GABRG3: variants seen among roughly 807,000 people sequenced by gnomAD.
GABRG3 encodes the protein gamma-aminobutyric acid receptor subunit gamma-3.
GABRG3 carries 25 observed loss-of-function variants against 48.8 expected under a neutral mutation model. The observed-to-expected ratio is 0.51, with a 90% confidence interval of 0.37 to 0.72. The LOEUF (loss-of-function observed/expected upper bound fraction) is 0.72, where lower values mean the gene tolerates loss of function less well. GABRG3 is among the 30% of genes least tolerant of loss of function. The pLI is 0.00. For synonymous variants in GABRG3, 227 were observed against 217.6 expected (o/e 1.04, Z -0.38); for missense variants, 394 against 577.9 (o/e 0.68, Z 3.26).
intron 5 of GABRG3, among the ~76,000 whole-genome samples, chr15:27,379,633 T>A (rs1242618258): frequency 6.6e-6 from 1 of 152,214 alleles, no homozygotes; most frequent in Admixed American, 6.5e-5. Context: ...TGTTCTTAAT[T>A]TTTATCGAAG....
intron 3 of GABRG3, among the ~76,000 whole-genome samples, chr15:27,245,482 G>A (rs1173056792): frequency 6.6e-6 from 1 of 152,064 alleles, no homozygotes; most frequent in Non-Finnish European, 1.5e-5. Flanking sequence ...ATTAGATTTT[G>A]CTAAAATCTG....
At chr15:27,514,207 G>A (rs2150859621) in intron 6 of GABRG3, among the ~76,000 whole-genome samples, 1 of 152,318 alleles carries the variant, frequency 6.6e-6, no homozygotes, top group East Asian at 1.9e-4. Flanking sequence ...CAATGCTATT[G>A]TATTAGTTTT....
chr15:26,977,657 G>C (rs918941786), intron 2 of GABRG3, among the ~76,000 whole-genome samples: 1 of 152,108 alleles, frequency 6.6e-6, no homozygotes, highest in African/African-American at 2.4e-5. Flanking sequence ...TCAGTAGTTT[G>C]TTCTTTTTTA....
chr15:27,405,046 T>C (rs1887590321), intron 5 of GABRG3, among the ~76,000 whole-genome samples: 1 of 152,300 alleles, frequency 6.6e-6, no homozygotes, highest in African/African-American at 2.4e-5. Flanking sequence ...CCAAATGGAA[T>C]AGAGATCCCA....
At chr15:27,088,344 G>A (rs1218897744) in intron 3 of GABRG3, among the ~76,000 whole-genome samples, 1 of 152,000 alleles carries the variant, frequency 6.6e-6, no homozygotes, top group Admixed American at 6.5e-5. Context: ...CAGGGCTCTG[G>A]GGAAGCCCCA....
chr15:27,158,418 A>T (rs1898490926), intron 3 of GABRG3: 1 of 152,144 alleles, frequency 6.6e-6, no homozygotes, highest in African/African-American at 2.4e-5. Context: ...TGAAGAAGTG[A>T]CTGTTAAAGA....
intron 6 of GABRG3, among the ~76,000 whole-genome samples, chr15:27,493,705 T>G (rs2150850581): frequency 6.6e-6 from 1 of 152,348 alleles, no homozygotes; most frequent in East Asian, 1.9e-4. Context: ...CAGAGATAAC[T>G]ATTAGTTATA....
intron 3 of GABRG3, among the ~76,000 whole-genome samples, chr15:27,316,541 A>G (rs1009804359): frequency 6.6e-6 from 1 of 152,218 alleles, no homozygotes; most frequent in Non-Finnish European, 1.5e-5. Flanking sequence ...AATAATACCT[A>G]TCAAATAATA....
chr15:27,126,169 C>T (rs1897817357), intron 3 of GABRG3, among the ~76,000 whole-genome samples: 1 of 152,170 alleles, frequency 6.6e-6, no homozygotes, highest in Admixed American at 6.5e-5. Flanking sequence ...GAGAACAGGG[C>T]TTCTTTATTT....
At chr15:27,493,802 C>G (rs1403391377) in intron 6 of GABRG3, among the ~76,000 whole-genome samples, 1 of 152,110 alleles carries the variant, frequency 6.6e-6, no homozygotes, top group Admixed American at 6.6e-5. Flanking sequence ...TTGTTAAGAA[C>G]ACACTGACAG....
chr15:27,097,780 G>T (rs192062616), intron 3 of GABRG3, among the ~76,000 whole-genome samples: 1 of 152,138 alleles, frequency 6.6e-6, no homozygotes, highest in Admixed American at 6.5e-5. Context: ...TTCAGGAAAG[G>T]TCCCTCCCTA....
intron 5 of GABRG3, among the ~76,000 whole-genome samples, chr15:27,476,912 C>T (rs528853102): frequency 1.3e-5 from 2 of 152,210 alleles, no homozygotes; most frequent in East Asian, 3.9e-4. Context: ...ATTTTGAAAA[C>T]AGCAAGAGAA....
intron 5 of GABRG3, among the ~76,000 whole-genome samples, chr15:27,391,121 A>G (rs1896210409): frequency 6.6e-6 from 1 of 152,082 alleles, no homozygotes; most frequent in Non-Finnish European, 1.5e-5. Flanking sequence ...TCAGGTTACA[A>G]TGGCACCTGA....
rs1437436805 is a variant in GABRG3 at position 27,347,436 on chromosome 15, C to A, written c.574+18548C>A. Among the ~76,000 whole-genome samples, 3 of 152,176 alleles carry A rather than the reference C, an allele frequency of 2.0e-5. No individual in the cohort carries two copies. The East Asian group carries it at 5.8e-4, about 29-fold the overall frequency. On this transcript the variant is annotated intron_variant, in intron 5 of 9. Transcript: ENST00000615808. Reference sequence around the variant, plus strand: ...TCCCTTTCCCAGCTACAGTGCCCCCCAGTCTATTTCCTAGAAGCCCTAATC... The same window carrying A: ...TCCCTTTCCCAGCTACAGTGCCCCCAAGTCTATTTCCTAGAAGCCCTAATC...
chr15:27,393,213 G>A (rs763281622), intron 5 of GABRG3, among the ~76,000 whole-genome samples: 27 of 151,960 alleles, frequency 1.8e-4, no homozygotes, highest in Non-Finnish European at 2.2e-4. Flanking sequence ...GCGTGGTGGC[G>A]GGTGCCTGTA....
intron 3 of GABRG3, among the ~76,000 whole-genome samples, chr15:27,086,465 C>T (rs1897079080): frequency 1.3e-5 from 2 of 152,142 alleles, no homozygotes; most frequent in Admixed American, 6.5e-5. Context: ...TACCCTGCCT[C>T]CCCTGCCAGA....
At chr15:27,281,308 T>C (rs962988288) in intron 3 of GABRG3, among the ~76,000 whole-genome samples, 1 of 152,142 alleles carries the variant, frequency 6.6e-6, no homozygotes, top group Non-Finnish European at 1.5e-5. Flanking sequence ...GTGCTAAGCC[T>C]TCCCTCTGCT....
intron 3 of GABRG3, among the ~76,000 whole-genome samples, chr15:27,147,207 G>A (rs1898224930): frequency 6.6e-6 from 1 of 151,954 alleles, no homozygotes; most frequent in Non-Finnish European, 1.5e-5. Context: ...TCTTATATGT[G>A]TATATAATAT....
At position 26,971,549 on chromosome 15, in the gene GABRG3, T is replaced by C; in HGVS notation, c.14T>C (p.Leu5Pro). 1 of 1,530,694 alleles carries C rather than the reference T, an allele frequency of 6.5e-7. No homozygotes were observed. 94.8% of individuals were successfully genotyped at this position (1,530,694 alleles called of 1,614,324 possible). ...CTCCACGGCACCATGGCCCCGAAGC[T>C]GCTGCTCCTCCTCTGCCTGTTCTCG... is the stretch of plus-strand genomic sequence containing the variant. The part of the protein sequence containing the change: MAPK[L>P]LLLLCLFSGL... The change falls in exon 1 of 10, where the codon CTG becomes CCG. Residue 5 changes from leucine (L) to proline (P), a missense_variant. By Grantham distance (98) the Leu-to-Pro change is moderately conservative. Transcript: ENST00000615808.
Sources: allele counts gnomAD v4.1 joint callset (sites outside exome capture counted in the v4.1 genomes callset), GRCh38; gene constraint gnomAD v4.1.1; transcripts MANE v1.5; gene names NCBI Gene and HGNC (gene_info 2026-07-23, HGNC 2026-07-21).